The following MND1 variants were observed in gnomAD, a reference collection of about 807,000 sequenced individuals.
The protein encoded by MND1 is meiotic nuclear divisions 1, also known as meiotic nuclear division protein 1 homolog.
A neutral mutation model predicts 35.1 loss-of-function variants in MND1; 28 were observed. That is an observed-to-expected ratio of 0.80 (90% CI 0.59 to 1.09). The LOEUF (loss-of-function observed/expected upper bound fraction) is 1.09, where lower values mean the gene tolerates loss of function less well. MND1 is among the 50% of genes least tolerant of loss of function. The probability of loss-of-function intolerance (pLI) is 0.00; values close to 1 mark genes in which losing one functional copy is unlikely to be tolerated. For missense variants in MND1, 213 were observed against 239.6 expected (o/e 0.89, Z 0.73); for synonymous variants, 69 against 70.5 (o/e 0.98, Z 0.11).
At chr4:153,365,526 A>G (rs992079768) in intron 4 of MND1, among the ~76,000 whole-genome samples, 1 of 152,164 alleles carries the variant, frequency 6.6e-6, no homozygotes, top group African/African-American at 2.4e-5. Context: ...GTAAAGTTAC[A>G]GTGGTTTTTT....
At chr4:153,407,074 C>T (rs577179120) in intron 6 of MND1, among the ~76,000 whole-genome samples, 5 of 152,332 alleles carry the variant, frequency 3.3e-5, no homozygotes, top group African/African-American at 1.2e-4. Flanking sequence ...TCCCACAACA[C>T]GTGGGAATTG....
chr4:153,403,564 A>C (rs1207220646), intron 6 of MND1, among the ~76,000 whole-genome samples: 1 of 152,164 alleles, frequency 6.6e-6, no homozygotes, highest in African/African-American at 2.4e-5. Flanking sequence ...TAACAACTCT[A>C]CGAGCAACAA....
intron 4 of MND1, among the ~76,000 whole-genome samples, chr4:153,376,864 C>CAG (rs1561066030): frequency 1.3e-5 from 2 of 152,056 alleles, no homozygotes; most frequent in Non-Finnish European, 2.9e-5. Context: ...GTATCAGTAC[C>CAG]TAGCACCGTT....
At chr4:153,367,656 C>T (rs1773689932) in intron 4 of MND1, among the ~76,000 whole-genome samples, 1 of 152,118 alleles carries the variant, frequency 6.6e-6, no homozygotes, top group Non-Finnish European at 1.5e-5. Context: ...CTTTGATGTA[C>T]AAGTTTTTGT....
At chr4:153,404,174 C>CTTTTTTTTT (rs71598277) in intron 6 of MND1, among the ~76,000 whole-genome samples, 1 of 73,778 alleles carries the variant, frequency 1.4e-5, no homozygotes, top group African/African-American at 6.0e-5. Flanking sequence ...AAAATTGGTT[C>CTTTTTTTTT]TTTTTTTTTT....
chr4:153,383,106 C>T (rs548709063), intron 4 of MND1, among the ~76,000 whole-genome samples: 1 of 152,266 alleles, frequency 6.6e-6, no homozygotes, highest in South Asian at 2.1e-4. Context: ...AGGACCTTGG[C>T]CAGCAAGCCT....
chr4:153,379,879 AGGT>A, intron 4 of MND1, among the ~76,000 whole-genome samples: 1 of 131,530 alleles, frequency 7.6e-6, no homozygotes, highest in Non-Finnish European at 1.6e-5. Context: ...AAAAAAAATC[AGGT>A]GTTGTGGCGC....
At chr4:153,382,949 G>A (rs565588935) in intron 4 of MND1, among the ~76,000 whole-genome samples, 1 of 152,276 alleles carries the variant, frequency 6.6e-6, no homozygotes, top group South Asian at 2.1e-4. Context: ...CTACTGAATA[G>A]GCTAACTTTT....
intron 6 of MND1, among the ~76,000 whole-genome samples, chr4:153,406,028 C>G (rs1729499209): frequency 6.6e-6 from 1 of 151,994 alleles, no homozygotes; most frequent in Non-Finnish European, 1.5e-5. Flanking sequence ...TGGTCTTGAT[C>G]TGACCTCGTG....
chr4:153,380,765 C>G (rs6835795), intron 4 of MND1, among the ~76,000 whole-genome samples: 1 of 151,894 alleles, frequency 6.6e-6, no homozygotes, highest in African/African-American at 2.4e-5. Context: ...TGAAATTAAA[C>G]GACTCAAAGA....
At position 153,358,504 on chromosome 4, in the gene MND1, G is replaced by A. The variant is rs1200182158; in HGVS notation, c.158G>A (p.Ser53Asn). 3.1e-6 allele frequency: 5 copies of A among 1,610,214 alleles called. No individual in the cohort carries two copies. The South Asian group carries it at 5.5e-5, about 18-fold the overall frequency. ...ATGTCAGTAAAAGAAGTCCTTCAAA[G>A]CTTAGTTGATGATGGTATGGTTGAC... ...TAMSVKEVLQ[S>N]LVDDGMVDCE... Residue 53 changes from serine to asparagine, a missense_variant, in exon 4 of 8, where the codon AGC becomes AAC. Ser to Asn is a conservative substitution (Grantham distance 46, BLOSUM62 1). Coordinates refer to ENST00000240488, the MANE Select transcript of MND1 (RefSeq NM_032117.4).
chr4:153,413,554 T>C (rs1309086280), intron 7 of MND1, among the ~76,000 whole-genome samples: 1 of 151,916 alleles, frequency 6.6e-6, no homozygotes, highest in Non-Finnish European at 1.5e-5. Flanking sequence ...GGTGCACGCC[T>C]GTTGTCTCTG....
At chr4:153,377,137 G>A (rs938914745) in intron 4 of MND1, among the ~76,000 whole-genome samples, 1 of 152,118 alleles carries the variant, frequency 6.6e-6, no homozygotes, top group Non-Finnish European at 1.5e-5. Context: ...TACCCCACTT[G>A]TTGCCACTGG....
At chr4:153,354,984 G>A (rs74797361) in intron 2 of MND1, among the ~76,000 whole-genome samples, 2,609 of 152,082 alleles carry the variant, frequency 0.017, 68 homozygotes, top group African/African-American at 0.057. Flanking sequence ...GCAAAATGGT[G>A]AGACCCTCTC....
chr4:153,396,267 TAG>T (rs1729195211), intron 5 of MND1, among the ~76,000 whole-genome samples: 2 of 152,166 alleles, frequency 1.3e-5, no homozygotes, highest in Admixed American at 1.3e-4. Context: ...AGTGCAGATC[TAG>T]AAAGTTTTCC....
At chr4:153,407,001 C>CTATCA (rs1729528866) in intron 6 of MND1, among the ~76,000 whole-genome samples, 1 of 152,196 alleles carries the variant, frequency 6.6e-6, no homozygotes, top group Non-Finnish European at 1.5e-5. Flanking sequence ...GACTCATTCA[C>CTATCA]TATCATGGGA....
intron 2 of MND1, among the ~76,000 whole-genome samples, chr4:153,351,195 G>A (rs1773210240): frequency 1.3e-5 from 2 of 152,180 alleles, no homozygotes; most frequent in Non-Finnish European, 2.9e-5. Context: ...GTAGAAAGCT[G>A]AGGAGAGTGG....
chr4:153,348,259 TGG>T (rs1773119906), intron 1 of MND1, among the ~76,000 whole-genome samples: 1 of 152,170 alleles, frequency 6.6e-6, no homozygotes, highest in South Asian at 2.1e-4. Flanking sequence ...GCCTCTGGCT[TGG>T]GTCACGAGAT....
At chr4:153,360,250 T>C (rs938142719) in intron 4 of MND1, among the ~76,000 whole-genome samples, 2 of 152,204 alleles carry the variant, frequency 1.3e-5, no homozygotes, top group African/African-American at 2.4e-5. Context: ...TTTTCAAAGA[T>C]TTCCTCTGAG....
Sources: allele counts gnomAD v4.1 joint callset (sites outside exome capture counted in the v4.1 genomes callset), GRCh38; gene constraint gnomAD v4.1.1; transcripts MANE v1.5; gene names NCBI Gene and HGNC (gene_info 2026-07-23, HGNC 2026-07-21).